Variants in PBX3 observed in about 807,000 individuals in gnomAD.
The protein encoded by PBX3 is PBX homeobox 3.
A neutral mutation model predicts 48.5 loss-of-function variants in PBX3; 14 were observed. That is an observed-to-expected ratio of 0.29 (90% CI 0.19 to 0.45). The LOEUF (loss-of-function observed/expected upper bound fraction) is 0.45, where lower values mean the gene tolerates loss of function less well. Among genes scored for constraint, PBX3 ranks in the 20% least tolerant of loss-of-function variants. PBX3 has a pLI of 1.00. For synonymous variants in PBX3, 210 were observed against 200.3 expected (o/e 1.05, Z -0.41); for missense variants, 386 against 546.7 (o/e 0.71, Z 2.93).
At chr9:125,827,996 A>G (rs1178431959) in intron 2 of PBX3, among the ~76,000 whole-genome samples, 1 of 152,150 alleles carries the variant, frequency 6.6e-6, no homozygotes, top group African/African-American at 2.4e-5. Flanking sequence ...AACTAAATTC[A>G]TCTAGGACCT....
At chr9:125,793,461 ACT>A (rs1449600906) in intron 2 of PBX3, among the ~76,000 whole-genome samples, 10 of 146,666 alleles carry the variant, frequency 6.8e-5, no homozygotes, top group Admixed American at 6.8e-5. Flanking sequence ...ATGGAGTCTG[ACT>A]CTGTCTGCCA....
chr9:125,812,821 T>C (rs939100468), intron 2 of PBX3, among the ~76,000 whole-genome samples: 1 of 152,218 alleles, frequency 6.6e-6, no homozygotes, highest in African/African-American at 2.4e-5. Context: ...CTGAATACTA[T>C]AGGTAATTTT....
At chr9:125,910,920 T>G (rs1331142205) in intron 2 of PBX3, among the ~76,000 whole-genome samples, 1 of 152,054 alleles carries the variant, frequency 6.6e-6, no homozygotes, top group East Asian at 1.9e-4. Flanking sequence ...TTCCAGATCT[T>G]TCTCTGGAAG....
intron 5 of PBX3, among the ~76,000 whole-genome samples, chr9:125,952,852 C>A (rs369419880): frequency 4.1e-3 from 617 of 152,064 alleles, no homozygotes; most frequent in Middle Eastern, 0.02. Context: ...TGGATGATAC[C>A]TGAAAACACA....
At chr9:125,780,201 C>G (rs1037632236) in intron 2 of PBX3, among the ~76,000 whole-genome samples, 1 of 137,338 alleles carries the variant, frequency 7.3e-6, no homozygotes, top group African/African-American at 2.7e-5. Flanking sequence ...CTGATCCCCC[C>G]ACCTCCCTCC....
At chr9:125,937,931 G>T (rs910492029) in intron 5 of PBX3, among the ~76,000 whole-genome samples, 3 of 152,144 alleles carry the variant, frequency 2.0e-5, no homozygotes, top group South Asian at 4.1e-4. Context: ...AAAGTGCTGG[G>T]ATTACAGGCA....
chr9:125,813,528 AG>A (rs1393057653), intron 2 of PBX3, among the ~76,000 whole-genome samples: 1 of 152,236 alleles, frequency 6.6e-6, no homozygotes, highest in African/African-American at 2.4e-5. Context: ...AGACACCCAG[AG>A]GATTACAATT....
intron 2 of PBX3, among the ~76,000 whole-genome samples, chr9:125,788,639 G>C (rs751578960): frequency 1.3e-5 from 2 of 152,034 alleles, no homozygotes; most frequent in Non-Finnish European, 2.9e-5. Context: ...TTGGGAGGCC[G>C]AGCTGGGCAG....
intron 2 of PBX3, among the ~76,000 whole-genome samples, chr9:125,751,310 T>C (rs1836369008): frequency 6.6e-6 from 1 of 152,158 alleles, no homozygotes; most frequent in Admixed American, 6.5e-5. Context: ...CAAAACAAAA[T>C]CATTTTAAAA....
chr9:125,963,063 C>A lies in PBX3; in HGVS notation c.1174C>A (p.Leu392Ile). 6.2e-7 allele frequency: 1 copy of A among 1,610,266 alleles called. No homozygotes were observed. Among genetic ancestry groups the A allele is most frequent in the Non-Finnish European group, 8.5e-7 (1 of 1,177,178 alleles). ...TCAGACGGGAGGCTACAGTGATGGCCTTGGAGGAAATTCACTGTACAGTCC... is the reference window on the plus strand; with the variant it reads ...TCAGACGGGAGGCTACAGTGATGGCATTGGAGGAAATTCACTGTACAGTCC... ...INQTGGYSDG[L>I]GGNSLYSPHN... Residue 392 changes from leucine (L) to isoleucine (I), a missense_variant, in exon 8 of 9, where the codon CTT becomes ATT. By Grantham distance (5) the Leu-to-Ile change is conservative (BLOSUM62 2). Coordinates refer to ENST00000373489, the MANE Select transcript of PBX3 (RefSeq NM_006195.6).
In PBX3 at chr9:125,935,620, C is replaced by T. The variant is rs958501165; in HGVS notation, c.843+13C>T. 19 of 1,613,216 alleles carry T rather than the reference C, an allele frequency of 1.2e-5. No homozygotes were observed. The highest frequency in any genetic ancestry group is 1.4e-5 in the Non-Finnish European group (17 of 1,179,504). ...CACAGTGTCACAGGTGAGAAAGGAC[C>T]CATGGGTCTGTCTTGTTCCCTGTGG... On this transcript the variant is annotated intron_variant, in intron 5 of 8. Transcript: ENST00000373489.
chr9:125,937,108 C>T (rs1221511217), intron 5 of PBX3, among the ~76,000 whole-genome samples: 2 of 152,162 alleles, frequency 1.3e-5, no homozygotes, highest in African/African-American at 2.4e-5. Flanking sequence ...CTTGCTGCCA[C>T]TCTTTTTTAA....
At chr9:125,798,941 T>C (rs946604260) in intron 2 of PBX3, among the ~76,000 whole-genome samples, 1 of 152,034 alleles carries the variant, frequency 6.6e-6, no homozygotes, top group South Asian at 2.1e-4. Context: ...TTAATATTAA[T>C]TTTAAAAAAT....
At chr9:125,800,098 C>T (rs1283948028) in intron 2 of PBX3, among the ~76,000 whole-genome samples, 3 of 151,948 alleles carry the variant, frequency 2.0e-5, no homozygotes, top group African/African-American at 7.3e-5. Context: ...ATAAATAGAC[C>T]ATCAGATCTT....
At chr9:125,934,051 A>G (rs1176786404) in intron 4 of PBX3, among the ~76,000 whole-genome samples, 4 of 152,094 alleles carry the variant, frequency 2.6e-5, no homozygotes, top group Non-Finnish European at 5.9e-5. Context: ...CTCCCCATCC[A>G]GTTCATCATC....
chr9:125,841,268 A>G (rs1839283566), intron 2 of PBX3, among the ~76,000 whole-genome samples: 3 of 152,232 alleles, frequency 2.0e-5, no homozygotes, highest in Non-Finnish European at 4.4e-5. Context: ...ATAATTGGGT[A>G]AATACAGATA....
At chr9:125,930,146 T>G (rs1270674859) in intron 4 of PBX3, among the ~76,000 whole-genome samples, 1 of 152,240 alleles carries the variant, frequency 6.6e-6, no homozygotes, top group African/African-American at 2.4e-5. Flanking sequence ...TAAGGATAGT[T>G]TTCTGCATAT....
intron 6 of PBX3, 91 bp from the exon 7 acceptor site, chr9:125,962,011 C>G (rs910242552): frequency 3.0e-6 from 2 of 661,946 alleles, no homozygotes; most frequent in African/African-American, 1.8e-5. Context: ...CCTTTCCCTT[C>G]TGTACTTTTT....
chr9:125,915,511 ATAATTTTCATACT>A (rs1841307557), intron 2 of PBX3, among the ~76,000 whole-genome samples, 162 bp from the exon 3 acceptor site: 2 of 152,206 alleles, frequency 1.3e-5, no homozygotes, highest in African/African-American at 4.8e-5. Context: ...TATCTTAAAA[ATAATTTTCATACT>A]TATTCAAACT....
Sources: allele counts gnomAD v4.1 joint callset (sites outside exome capture counted in the v4.1 genomes callset), GRCh38; gene constraint gnomAD v4.1.1; transcripts MANE v1.5; gene names NCBI Gene and HGNC (gene_info 2026-07-23, HGNC 2026-07-21).